The following SMAP1 variants were observed in gnomAD, a reference collection of about 807,000 sequenced individuals.
The protein encoded by SMAP1 is small ArfGAP 1.
In SMAP1, 24 loss-of-function variants were observed where a neutral mutation model predicts 58.5. That is an observed-to-expected ratio of 0.41 (90% confidence interval 0.30 to 0.58). SMAP1 has a LOEUF of 0.58. Ranked by LOEUF, SMAP1 falls within the 20% of genes least tolerant of loss-of-function variation. The pLI, the probability that SMAP1 is intolerant of heterozygous loss-of-function variation, is 0.29. For synonymous variants in SMAP1, 216 were observed against 196.6 expected (o/e 1.10, Z -0.82); for missense variants, 563 against 566.3 (o/e 0.99, Z 0.06).
At chr6:70,831,139 C>T (rs969152328) in intron 6 of SMAP1, among the ~76,000 whole-genome samples, 14 of 152,252 alleles carry the variant, frequency 9.2e-5, no homozygotes, top group Admixed American at 2.0e-4. Flanking sequence ...CTGAGGCCAG[C>T]CATGATTTTC....
At chr6:70,793,802 A>G (rs778318937) in intron 5 of SMAP1, among the ~76,000 whole-genome samples, 4 of 151,364 alleles carry the variant, frequency 2.6e-5, no homozygotes, top group Admixed American at 2.6e-4. Context: ...GCTTATTGCA[A>G]CCTCCCACTG....
At chr6:70,704,256 A>G (rs1187383121) in intron 1 of SMAP1, among the ~76,000 whole-genome samples, 4 of 152,240 alleles carry the variant, frequency 2.6e-5, no homozygotes, top group South Asian at 4.1e-4. Context: ...AATGAAAACT[A>G]TTGATGTTAC....
At position 70,756,700 on chromosome 6, in the gene SMAP1, C is replaced by T. The variant is rs1331335249; in HGVS notation, c.338+1635C>T. 2.6e-5 allele frequency among the ~76,000 whole-genome samples: 4 copies of T among 152,068 alleles called. No individual in the cohort carries two copies. In the East Asian group the frequency reaches 7.7e-4, roughly 29 times the overall value. Reference sequence around the variant, plus strand: ...AAGGATTTTGTCAATGTACAAAAATCACAAGCATTCTTATACACCAATAAC... The same window carrying T: ...AAGGATTTTGTCAATGTACAAAAATTACAAGCATTCTTATACACCAATAAC... On this transcript the variant is annotated intron_variant, in intron 3 of 10. Transcript: ENST00000370455.
chr6:70,758,275 A>G (rs2149893513), intron 3 of SMAP1, among the ~76,000 whole-genome samples: 1 of 151,552 alleles, frequency 6.6e-6, no homozygotes, highest in Non-Finnish European at 1.5e-5. Context: ...CAAGAACAAA[A>G]AACCAAACAC....
At chr6:70,813,081 C>G (rs2149972206) in intron 6 of SMAP1, among the ~76,000 whole-genome samples, 1 of 152,118 alleles carries the variant, frequency 6.6e-6, no homozygotes. Flanking sequence ...TTAGTTGTTT[C>G]TAGTTCTCTT....
At chr6:70,692,101 T>C (rs1402644674) in intron 1 of SMAP1, among the ~76,000 whole-genome samples, 1 of 152,216 alleles carries the variant, frequency 6.6e-6, no homozygotes, top group Non-Finnish European at 1.5e-5. Context: ...GCATTTGTTA[T>C]TTTCAGTCTT....
intron 4 of SMAP1, among the ~76,000 whole-genome samples, chr6:70,776,174 A>G (rs1242521068): frequency 1.3e-5 from 2 of 151,898 alleles, no homozygotes. Flanking sequence ...GACATTTATC[A>G]TTTCTTCTTT....
At chr6:70,844,684 CAACTT>C (rs1488674899) in intron 7 of SMAP1, among the ~76,000 whole-genome samples, 7 of 152,222 alleles carry the variant, frequency 4.6e-5, no homozygotes, top group Admixed American at 2.6e-4. Context: ...AAATTGAAAA[CAACTT>C]AAAGCTTGAA....
At chr6:70,837,922 GT>G in intron 7 of SMAP1, 3 of 1,150,182 alleles carry the variant, frequency 2.6e-6, no homozygotes, top group Non-Finnish European at 3.3e-6. Context: ...ATAGCTGAAT[GT>G]TTTATTCATT....
chr6:70,698,238 C>T lies in SMAP1; in HGVS notation c.118+30097C>T, dbSNP rs374309093. ...AATATGTCATATCACTTTCTCCTGG[C>T]CTGTAAGGTTTCCACTGAGACATAT... On this transcript the variant is annotated intron_variant, in intron 1 of 10. Transcript: ENST00000370455. Among the ~76,000 whole-genome samples, 13 of 152,224 alleles carry T rather than the reference C, an allele frequency of 8.5e-5. No individual in the cohort carries two copies. In the East Asian group the frequency reaches 2.1e-3, roughly 25 times the overall value.
intron 3 of SMAP1, among the ~76,000 whole-genome samples, chr6:70,760,596 C>T (rs932737825): frequency 2.6e-5 from 4 of 151,844 alleles, no homozygotes; most frequent in Admixed American, 6.6e-5. Context: ...GTAAGAAAAC[C>T]GGCTTGCCTT....
At chr6:70,681,872 T>C (rs566087211) in intron 1 of SMAP1, among the ~76,000 whole-genome samples, 4 of 152,290 alleles carry the variant, frequency 2.6e-5, no homozygotes, top group African/African-American at 9.6e-5. Flanking sequence ...TAGGTGCTAA[T>C]AGGGCTGCAG....
intron 2 of SMAP1, among the ~76,000 whole-genome samples, chr6:70,754,557 G>C (rs967199351): frequency 6.6e-6 from 1 of 152,036 alleles, no homozygotes. Context: ...GATCTTGATT[G>C]TAAATCAGTA....
chr6:70,802,238 G>C (rs895256280), intron 6 of SMAP1, among the ~76,000 whole-genome samples: 1 of 152,144 alleles, frequency 6.6e-6, no homozygotes, highest in African/African-American at 2.4e-5. Context: ...TACATCCCTT[G>C]TAAGTTGGAT....
chr6:70,701,576 T>A (rs141147107), intron 1 of SMAP1, among the ~76,000 whole-genome samples: 77 of 152,286 alleles, frequency 5.1e-4, no homozygotes, highest in African/African-American at 1.6e-3. Flanking sequence ...TTAAGGCTGG[T>A]ATAAAAGTTC....
intron 1 of SMAP1, among the ~76,000 whole-genome samples, chr6:70,712,455 C>T (rs1343306420): frequency 6.6e-6 from 1 of 152,178 alleles, no homozygotes; most frequent in African/African-American, 2.4e-5. Flanking sequence ...TGGCTTCATA[C>T]TATGAGTTTG....
Position 70,668,657 on chromosome 6 carries a change from C to A in SMAP1, c.118+516C>A, listed in dbSNP as rs550109095. The A allele has an allele frequency of 2.0e-6, 3 of 1,535,854 alleles. No individual in the cohort carries two copies. In the African/African-American group the frequency reaches 4.1e-5, roughly 21 times the overall value. ...GAGCCCTACCTGCCTGCCCACCTGA[C>A]AGCTTTTGTACAAGGCTTTTATCTC... On this transcript the variant is annotated intron_variant, in intron 1 of 10. Coordinates refer to ENST00000370455, the MANE Select transcript of SMAP1 (RefSeq NM_001044305.3).
chr6:70,744,710 A>G (rs984711256), intron 2 of SMAP1, among the ~76,000 whole-genome samples: 18 of 152,326 alleles, frequency 1.2e-4, no homozygotes, highest in Middle Eastern at 3.4e-3. Context: ...GCTGGGTCAA[A>G]TGGCATTTCT....
At chr6:70,708,135 C>T (rs550491477) in intron 1 of SMAP1, among the ~76,000 whole-genome samples, 9 of 152,226 alleles carry the variant, frequency 5.9e-5, no homozygotes, top group East Asian at 5.8e-4. Flanking sequence ...CTCTCCTTTC[C>T]TGCGCCTGGT....
Sources: gnomAD v4.1 joint callset for allele counts (sites outside exome capture counted in the v4.1 genomes callset) on GRCh38, gnomAD v4.1.1 for gene constraint, MANE v1.5 for transcripts, NCBI Gene and HGNC (gene_info 2026-07-23, HGNC 2026-07-21) for gene names.